MED12L: variants seen among roughly 807,000 people sequenced by gnomAD.
MED12L encodes the protein mediator complex subunit 12L.
MED12L carries 60 observed loss-of-function variants against 281.3 expected under a neutral mutation model. The ratio of observed to expected loss-of-function variants is 0.21; its 90% CI spans 0.17 to 0.26. MED12L has a LOEUF of 0.26. MED12L is among the 10% of genes least tolerant of loss of function. MED12L has a pLI of 1.00. For missense variants in MED12L, 2,146 were observed against 2,680.9 expected, an observed-to-expected ratio of 0.80 and a Z score of 4.41; for synonymous variants, 974 against 987.2, an observed-to-expected ratio of 0.99 and a Z score of 0.25.
Position 151,400,721 on chromosome 3 carries a change from C to T in MED12L, c.5820+5854C>T, listed in dbSNP as rs1488079520. 4.6e-5 allele frequency among the ~76,000 whole-genome samples: 7 copies of T among 152,114 alleles called. No individual in the cohort carries two copies. The East Asian group carries it at 7.7e-4, about 17-fold the overall frequency. On this transcript the variant is annotated intron_variant, in intron 39 of 44. Transcript: ENST00000687756. ...TTAAATTGAGTAATTACCCTTTGTTCGGTAATTGATCTCCCACCCTAAGGA... is the reference window on the plus strand; with the variant it reads ...TTAAATTGAGTAATTACCCTTTGTTTGGTAATTGATCTCCCACCCTAAGGA...
Position 151,086,793 on chromosome 3 carries a change from T to G in MED12L, c.-129-5T>G. The G allele has an allele frequency of 4.5e-6, 3 of 671,388 alleles. No individual in the cohort carries two copies. In the South Asian group the frequency reaches 6.0e-5, roughly 14 times the overall value. The allele number at this position is 671,388 out of a possible 1,614,324, so 41.6% of individuals were successfully genotyped here. Reference sequence around the variant, plus strand: ...TCCAACCTGCTTTATTCCTCCTGCCTGCAGCGCCACAGCGAGCGAGCGAGC... The same window carrying G: ...TCCAACCTGCTTTATTCCTCCTGCCGGCAGCGCCACAGCGAGCGAGCGAGC... On this transcript the variant is annotated splice_polypyrimidine_tract_variant and splice_region_variant and intron_variant, in intron 1 of 44. Coordinates refer to ENST00000687756, the MANE Select transcript of MED12L (RefSeq NM_001393769.1).
At chr3:151,407,849 C>T (rs917351755) in intron 39 of MED12L, among the ~76,000 whole-genome samples, 2 of 152,012 alleles carry the variant, frequency 1.3e-5, no homozygotes, top group Non-Finnish European at 2.9e-5. Context: ...GCTGAAGTTT[C>T]GTAAATGGCC....
At chr3:151,406,864 G>A (rs537458151) in intron 39 of MED12L, among the ~76,000 whole-genome samples, 6 of 147,730 alleles carry the variant, frequency 4.1e-5, no homozygotes, top group Admixed American at 6.8e-5. Context: ...GCAGTGGCAC[G>A]ATCTTGGCTC....
In MED12L at chr3:151,413,189, A is replaced by T; in HGVS notation, c.6191A>T (p.Asp2064Val). 6.2e-7 allele frequency: 1 copy of T among 1,614,132 alleles called. No individual in the cohort carries two copies. Among genetic ancestry groups the T allele is most frequent in the Non-Finnish European group, 8.5e-7 (1 of 1,179,996 alleles). ...AGCCCTCTGGTGGGCGGGGGAATTG[A>T]TGCTGTGCTGACTTCTGCACATCCA... ...QQSPLVGGGIDAVLTSAHPNL... is the reference protein window; with the variant it reads ...QQSPLVGGGIVAVLTSAHPNL... The change falls in exon 42 of 45, where the codon GAT becomes GTT. Residue 2064 changes from aspartate (D) to valine (V), a missense_variant. Asp to Val is a radical substitution (Grantham distance 152). Coordinates refer to ENST00000687756, the MANE Select transcript of MED12L (RefSeq NM_001393769.1).
chr3:151,290,017 A>C (rs1026448614), intron 16 of MED12L, among the ~76,000 whole-genome samples: 4 of 151,912 alleles, frequency 2.6e-5, no homozygotes, highest in South Asian at 2.1e-4. Context: ...CAACCTCCTG[A>C]GTAACTGGGA....
intron 16 of MED12L, among the ~76,000 whole-genome samples, chr3:151,195,256 T>G (rs1724499414): frequency 6.6e-6 from 1 of 152,130 alleles, no homozygotes; most frequent in Non-Finnish European, 1.5e-5. Flanking sequence ...GTTAAGTTAT[T>G]TATTTATTTA....
At chr3:151,128,062 A>G (rs1714795993) in intron 5 of MED12L, 78 bp downstream of exon 5, 3 of 1,302,442 alleles carry the variant, frequency 2.3e-6, no homozygotes, top group Non-Finnish European at 2.2e-6. Flanking sequence ...CTCTGGATAC[A>G]GCCCAGCATG....
intron 16 of MED12L, among the ~76,000 whole-genome samples, chr3:151,274,899 G>A (rs964756274): frequency 6.6e-6 from 1 of 152,146 alleles, no homozygotes; most frequent in Non-Finnish European, 1.5e-5. Flanking sequence ...AATCAGTGTT[G>A]AATGAATAAA....
intron 5 of MED12L, among the ~76,000 whole-genome samples, chr3:151,136,856 A>AT: frequency 6.6e-6 from 1 of 152,132 alleles, no homozygotes; most frequent in East Asian, 1.9e-4. Flanking sequence ...ATGTTTCTCT[A>AT]TTTTTTTATT....
chr3:151,141,489 C>T (rs1303432476), intron 5 of MED12L, among the ~76,000 whole-genome samples: 1 of 151,958 alleles, frequency 6.6e-6, no homozygotes, highest in Non-Finnish European at 1.5e-5. Flanking sequence ...AAGGGGATAC[C>T]ATCTTTTTGT....
At chr3:151,270,196 C>CGTGTCGTGTGTGTGTGT (rs1740640520) in intron 16 of MED12L, 1 of 129,646 alleles carries the variant, frequency 7.7e-6, no homozygotes, top group African/African-American at 3.3e-5. Context: ...AGCAAGCTGT[C>CGTGTCGTGTGTGTGTGT]GTGTGTGTGT....
At chr3:151,411,612 C>T in intron 41 of MED12L, 105 bp downstream of exon 41, 1 of 1,015,392 alleles carries the variant, frequency 9.8e-7, no homozygotes, top group Non-Finnish European at 1.5e-6. Flanking sequence ...TATGAGCTTG[C>T]ATATTTGCAG....
rs866117666 is a variant in MED12L at position 151,350,412 on chromosome 3, G to C, written c.2398+206G>C. 3.4e-4 allele frequency among the ~76,000 whole-genome samples: 51 copies of C among 151,848 alleles called. No individual in the cohort carries two copies. The Middle Eastern group carries it at 0.017, about 51-fold the overall frequency. The stretch of plus-strand genomic sequence containing the variant: ...CCTTGTATTAAAATATTAATACAAG[G>C]TATTAATATTAAATATTATTTTATT... On this transcript the variant is annotated intron_variant, in intron 17 of 44. Transcript: ENST00000687756.
intron 38 of MED12L, among the ~76,000 whole-genome samples, chr3:151,390,742 T>C (rs1186132536): frequency 1.3e-5 from 2 of 152,242 alleles, no homozygotes; most frequent in Non-Finnish European, 2.9e-5. Flanking sequence ...TCTGTCAGCA[T>C]TGTTAGGATG....
chr3:151,273,904 T>A (rs1286545664), intron 16 of MED12L, among the ~76,000 whole-genome samples: 1 of 152,226 alleles, frequency 6.6e-6, no homozygotes. Context: ...TAACATTTAT[T>A]GAAAACTTCA....
At chr3:151,330,203 A>C (rs1750194184) in intron 16 of MED12L, among the ~76,000 whole-genome samples, 1 of 152,216 alleles carries the variant, frequency 6.6e-6, no homozygotes, top group African/African-American at 2.4e-5. Flanking sequence ...GGTTGCCTGG[A>C]ATAGTGCTTG....
chr3:151,328,052 T>C (rs767135062), intron 16 of MED12L: 2 of 1,606,362 alleles, frequency 1.2e-6, no homozygotes, highest in Admixed American at 3.4e-5. Flanking sequence ...TGCTGTGGTC[T>C]TTCTCCCTTG....
chr3:151,182,952 G>A (rs1722875719), intron 11 of MED12L, among the ~76,000 whole-genome samples: 1 of 152,076 alleles, frequency 6.6e-6, no homozygotes, highest in Non-Finnish European at 1.5e-5. Context: ...TATAAATAGG[G>A]CAGAACACAG....
chr3:151,198,312 A>C, intron 16 of MED12L: 1 of 766,288 alleles, frequency 1.3e-6, no homozygotes, highest in Non-Finnish European at 2.0e-6. Context: ...TTGCTAGCTA[A>C]CTGTATTTTT....
Sources: gnomAD v4.1 joint callset for allele counts (sites outside exome capture counted in the v4.1 genomes callset) on GRCh38, gnomAD v4.1.1 for gene constraint, MANE v1.5 for transcripts, NCBI Gene and HGNC (gene_info 2026-07-23, HGNC 2026-07-21) for gene names.